PRELID1: variants seen among roughly 807,000 people sequenced by gnomAD.
The protein encoded by PRELID1 is PRELI domain-containing protein 1, mitochondrial.
A neutral mutation model predicts 29.0 loss-of-function variants in PRELID1; 15 were observed. The observed-to-expected ratio is 0.52, with a 90% CI of 0.35 to 0.80. PRELID1 has a LOEUF of 0.80. Ranked by LOEUF, PRELID1 falls within the 30% of genes least tolerant of loss-of-function variation. The probability of loss-of-function intolerance (pLI) is 0.01; values close to 1 mark genes in which losing one functional copy is unlikely to be tolerated. For missense variants in PRELID1, 187 were observed against 275.9 expected (o/e 0.68, Z 2.28); for synonymous variants, 79 against 106.5 (o/e 0.74, Z 1.59).
At chr5:177,304,546 G>A in intron 1 of PRELID1, 79 bp from the exon 2 acceptor site, 2 of 1,243,044 alleles carry the variant, frequency 1.6e-6, no homozygotes, top group Non-Finnish European at 2.3e-6. Flanking sequence ...TCTAGGCCCG[G>A]AGCCTCCAAA....
rs750932165 is a variant in PRELID1 at position 177,304,691 on chromosome 5, G to C, written c.159G>C (p.Arg53=). Residue 53 remains arginine, a synonymous_variant, in exon 2 of 5, where the codon CGG becomes CGC. Transcript: ENST00000303204. The part of the protein sequence containing the change: ...EVTPDQKLLS[R]RLLTKTNRMP... ...CCCCTGACCAGAAACTGCTGTCCCG[G>C]CGACTCCTGACCAAGACCAACAGGA... The C allele has an allele frequency of 6.2e-7, 1 of 1,614,086 alleles. No homozygotes were observed. The highest frequency in any genetic ancestry group is 1.7e-5 in the Admixed American group (1 of 60,016).
In PRELID1 at chr5:177,303,799, G is replaced by C. The variant is rs1218389552; in HGVS notation, c.-187G>C. The C allele has an allele frequency of 7.0e-6, 3 of 426,564 alleles. No individual in the cohort carries two copies. The highest frequency in any genetic ancestry group is 8.1e-5 in the East Asian group (2 of 24,604). The allele number at this position is 426,564 out of a possible 1,614,324, so 26.4% of individuals were successfully genotyped here. A position where few individuals can be genotyped will look rare whatever the true frequency, so the allele number is the denominator to read the frequency against. ...ACTGTGTGGCTGCGCCGGAAGTGGC[G>C]CGCGGCCGGACAACTCATGGCGGCG... is the stretch of plus-strand genomic sequence containing the variant. On this transcript the variant is annotated 5_prime_UTR_variant, in exon 1 of 5. Transcript: ENST00000303204. The surrounding 1 kb of genome is among the most constrained non-coding windows in gnomAD (Gnocchi z 6.1).
chr5:177,306,814 TC>T lies in PRELID1; in HGVS notation c.*246del. 1 of 764,204 alleles carries T rather than the reference TC, an allele frequency of 1.3e-6. No homozygotes were observed. Among genetic ancestry groups the T allele is most frequent in the Non-Finnish European group, 2.1e-6 (1 of 487,466 alleles). The allele number at this position is 764,204 out of a possible 1,614,324, so 47.3% of individuals were successfully genotyped here. A position where few individuals can be genotyped will look rare whatever the true frequency, so the allele number is the denominator to read the frequency against. On this transcript the variant is annotated 3_prime_UTR_variant, in exon 5 of 5. Coordinates refer to ENST00000303204, the MANE Select transcript of PRELID1 (RefSeq NM_013237.4). ...AGAGGTGCGGTGACTTGCCCGGGGC[TC>T]CAGGTAGCCTGCAGGTTAACTGGCG... is the stretch of plus-strand genomic sequence containing the variant.
chr5:177,305,449 C>T (rs1223502738), intron 2 of PRELID1: 7 of 212,922 alleles, frequency 3.3e-5, no homozygotes, highest in South Asian at 1.8e-4. Context: ...TCAAGTGATC[C>T]GCCCGCCTCG....
At chr5:177,304,399 A>T in intron 1 of PRELID1, 4 of 636,678 alleles carry the variant, frequency 6.3e-6, no homozygotes, top group Non-Finnish European at 1.1e-5. Context: ...ATAAATCATG[A>T]GGTCCATTCC....
In PRELID1 at chr5:177,304,608, C is replaced by A. The variant is rs1260800166; in HGVS notation, c.93-17C>A. The A allele has an allele frequency of 6.3e-7, 1 of 1,598,588 alleles. No individual in the cohort carries two copies. Among genetic ancestry groups the A allele is most frequent in the Non-Finnish European group, 8.6e-7 (1 of 1,166,156 alleles). On this transcript the variant is annotated splice_polypyrimidine_tract_variant and intron_variant, in intron 1 of 4. Transcript: ENST00000303204. ...GGGGCAAGCTTCTGAGGGTCACCTT[C>A]ACCCTGACACCTGCAGCAAACATGT...
In PRELID1 at chr5:177,306,544, C is replaced by A. The variant is rs778485653; in HGVS notation, c.634C>A (p.Gln212Lys). 2.6e-5 allele frequency: 42 copies of A among 1,609,792 alleles called. 2 individuals are homozygous for A. The South Asian group carries it at 4.1e-4, about 16-fold the overall frequency. Residue 212 changes from glutamine to lysine, a missense_variant, in exon 5 of 5, where the codon CAG becomes AAG. Physicochemically the swap from Gln to Lys is moderately conservative, Grantham distance 53. Transcript: ENST00000303204. ...DLASKAATKK[Q>K]QQQQQFV is the part of the protein sequence containing the mutation. Reference sequence around the variant, plus strand: ...CGCCAGCAAGGCGGCCACCAAGAAGCAGCAGCAGCAGCAACAGTTTGTGTA... The same window carrying A: ...CGCCAGCAAGGCGGCCACCAAGAAGAAGCAGCAGCAGCAACAGTTTGTGTA...
At position 177,306,427 on chromosome 5, in the gene PRELID1, G is replaced by T; in HGVS notation, c.517G>T (p.Ala173Ser). The T allele has an allele frequency of 6.2e-7, 1 of 1,614,040 alleles. No homozygotes were observed. Among genetic ancestry groups the T allele is most frequent in the African/African-American group, 1.3e-5 (1 of 74,978 alleles). Residue 173 changes from alanine (A) to serine (S), a missense_variant, in exon 5 of 5, where the codon GCC becomes TCC. Coordinates refer to ENST00000303204, the MANE Select transcript of PRELID1 (RefSeq NM_013237.4). ...EYILAKLQGEAPSKTLVETAK... is the reference protein window; with the variant it reads ...EYILAKLQGESPSKTLVETAK... ...CCACCTGCCGTTCGCGACAGGCGAG[G>T]CCCCTTCCAAAACACTTGTTGAGAC...
intron 2 of PRELID1, 109 bp downstream of exon 2, chr5:177,304,959 C>T (rs976709400): frequency 9.5e-5 from 105 of 1,101,720 alleles, no homozygotes; most frequent in Non-Finnish European, 1.2e-4. Context: ...CTTTTGTGGC[C>T]GGAGGCAGGT....
At chr5:177,304,464 G>T in intron 1 of PRELID1, 161 bp from the exon 2 acceptor site, 1 of 728,158 alleles carries the variant, frequency 1.4e-6, no homozygotes, top group South Asian at 1.5e-5. Flanking sequence ...AATTTGCCCT[G>T]GGATGGGCCC....
Position 177,306,127 on chromosome 5 carries a change from C to T in PRELID1, c.462C>T (p.Asn154=), listed in dbSNP as rs199675408. 50 of 1,613,682 alleles carry T rather than the reference C, an allele frequency of 3.1e-5. 1 individual carries two copies. Among genetic ancestry groups the T allele is most frequent in the Non-Finnish European group, 1.7e-5 (20 of 1,179,714 alleles). Residue 154 remains asparagine (N), a synonymous_variant, in exon 4 of 5, where the codon AAC becomes AAT. Coordinates refer to ENST00000303204, the MANE Select transcript of PRELID1 (RefSeq NM_013237.4). ...QEFGLARFKS[N]VTKTMKGFEY... ...TTGGTCTTGCCCGATTCAAAAGCAA[C>T]GTGACCAAGACTATGAAGGGTTTTG...
At chr5:177,305,659 T>C (rs745486319) in intron 2 of PRELID1, 3 of 570,404 alleles carry the variant, frequency 5.3e-6, no homozygotes, top group Admixed American at 6.1e-5. Context: ...CCTTTTGCCT[T>C]CTAGTTTAAG....
intron 2 of PRELID1, chr5:177,305,536 C>G (rs72813180): frequency 0.18 from 54,637 of 308,518 alleles, 6,030 homozygotes; most frequent in East Asian, 0.42. Flanking sequence ...TCAGGAAGCT[C>G]CAGAGCTGCA....
intron 4 of PRELID1, 32 bp from the exon 5 acceptor site, chr5:177,306,389 CT>C (rs1191227271): frequency 5.6e-6 from 9 of 1,613,550 alleles, no homozygotes; most frequent in Non-Finnish European, 7.6e-6. Context: ...TTTCAGGCAT[CT>C]TCTAAAGGCA....
Position 177,303,820 on chromosome 5 carries a change from C to T in PRELID1, c.-166C>T, listed in dbSNP as rs1285945276. 5 of 429,764 alleles carry T rather than the reference C, an allele frequency of 1.2e-5. No homozygotes were observed. Among genetic ancestry groups the T allele is most frequent in the Non-Finnish European group, 2.0e-5 (5 of 254,730 alleles). 26.6% of individuals were successfully genotyped at this position (429,764 alleles called of 1,614,324 possible). A position where few individuals can be genotyped will look rare whatever the true frequency, so the allele number is the denominator to read the frequency against. On this transcript the variant is annotated 5_prime_UTR_variant, in exon 1 of 5. Coordinates refer to ENST00000303204, the MANE Select transcript of PRELID1 (RefSeq NM_013237.4). The surrounding 1 kb of genome is among the most constrained non-coding windows in gnomAD (Gnocchi z 6.1). ...TGGCGCGCGGCCGGACAACTCATGG[C>T]GGCGGCGGCGGCGGCGGCAGCTGCT...
chr5:177,304,576 T>A, intron 1 of PRELID1, 49 bp from the exon 2 acceptor site: 2 of 1,504,532 alleles, frequency 1.3e-6, no homozygotes, highest in Non-Finnish European at 1.8e-6. Flanking sequence ...CCTCGGGCAG[T>A]CTCTTAGGGG....
In PRELID1 at chr5:177,306,165, C is replaced by T. The variant is rs1380895630; in HGVS notation, c.500C>T (p.Ala167Val). The T allele has an allele frequency of 1.9e-6, 3 of 1,613,770 alleles. No individual in the cohort carries two copies. The highest frequency in any genetic ancestry group is 2.2e-5 in the South Asian group (2 of 91,072). ...ATGAAGGGTTTTGAATATATCTTGGCTAAGCTGCAAGGTGAGTTTCTGGGT... is the reference window on the plus strand; with the variant it reads ...ATGAAGGGTTTTGAATATATCTTGGTTAAGCTGCAAGGTGAGTTTCTGGGT... ...KTMKGFEYIL[A>V]KLQGEAPSKT... Residue 167 changes from alanine (A) to valine (V), a missense_variant, in exon 4 of 5, where the codon GCT (alanine) becomes GTT (valine). Ala to Val is a moderately conservative substitution (Grantham distance 64). Transcript: ENST00000303204.
chr5:177,305,754 G>A (rs4076327), intron 2 of PRELID1, 117 bp from the exon 3 acceptor site: 21 of 832,344 alleles, frequency 2.5e-5, no homozygotes, highest in Non-Finnish European at 3.7e-5. Flanking sequence ...GCAGTCAGGG[G>A]AAGGAATGGA....
intron 1 of PRELID1, 161 bp from the exon 2 acceptor site, chr5:177,304,464 G>A: frequency 1.4e-6 from 1 of 728,158 alleles, no homozygotes; most frequent in Non-Finnish European, 2.4e-6. Context: ...AATTTGCCCT[G>A]GGATGGGCCC....
Sources: gnomAD v4.1 joint callset for allele counts on GRCh38, gnomAD v4.1.1 for gene constraint, Gnocchi (gnomAD v3.1) non-coding constraint, MANE v1.5 for transcripts, NCBI Gene and HGNC (gene_info 2026-07-23, HGNC 2026-07-21) for gene names.